The following ADAM2 variants were observed in gnomAD, a reference collection of about 807,000 sequenced individuals.
ADAM2 encodes ADAM metallopeptidase domain 2.
In ADAM2, 101 loss-of-function variants were observed where a neutral mutation model predicts 99.3. The ratio of observed to expected loss-of-function variants is 1.02; its 90% CI spans 0.87 to 1.20. ADAM2 has a LOEUF of 1.20. Among genes scored for constraint, ADAM2 ranks in the 50% most tolerant of loss-of-function variants. The pLI, the probability that ADAM2 is intolerant of heterozygous loss-of-function variation, is 0.00. For synonymous variants in ADAM2, 323 were observed against 287.6 expected (o/e 1.12, Z -1.25); for missense variants, 948 against 878.7 (o/e 1.08, Z -1.00).
At chr8:39,771,151 A>C (rs1322246402) in intron 11 of ADAM2, among the ~76,000 whole-genome samples, 1 of 152,188 alleles carries the variant, frequency 6.6e-6, no homozygotes, top group African/African-American at 2.4e-5. Context: ...TGGACCTCTT[A>C]CTGTCCCCTC....
intron 11 of ADAM2, among the ~76,000 whole-genome samples, chr8:39,774,377 A>G: frequency 6.6e-6 from 1 of 152,058 alleles, no homozygotes; most frequent in Middle Eastern, 3.2e-3. Flanking sequence ...ATGTATTTAT[A>G]ATATATAATT....
At position 39,769,526 on chromosome 8, in the gene ADAM2, CAA is replaced by C. The variant is rs1217672600; in HGVS notation, c.1076_1077del (p.Phe359CysfsTer30). On this transcript the variant is annotated frameshift_variant, in exon 12 of 21. Transcript: ENST00000265708. LOFTEE classifies it high-confidence loss of function. ...GACTTCTGCTTTGAAATAAAATGTGCAAAGTCTTCGAAGCTGCAGTTACTAAA... is the reference window on the plus strand; with the variant it reads ...GACTTCTGCTTTGAAATAAAATGTGCAGTCTTCGAAGCTGCAGTTACTAAA... The part of the protein sequence containing the change: ...KIFSNCSFED[F>X]AHFISKQKSQ... The C allele has an allele frequency of 6.2e-7, 1 of 1,613,790 alleles. No homozygotes were observed. The highest frequency in any genetic ancestry group is 1.7e-5 in the Admixed American group (1 of 60,010).
At chr8:39,815,034 C>G (rs1246599692) in intron 6 of ADAM2, among the ~76,000 whole-genome samples, 1 of 151,880 alleles carries the variant, frequency 6.6e-6, no homozygotes, top group Non-Finnish European at 1.5e-5. Context: ...TACTTTCACT[C>G]TTTAAAAATG....
intron 15 of ADAM2, among the ~76,000 whole-genome samples, chr8:39,760,316 T>C (rs1225132955): frequency 1.3e-5 from 2 of 152,208 alleles, no homozygotes; most frequent in East Asian, 1.9e-4. Flanking sequence ...TTAATATTCA[T>C]ATATTACATA....
At chr8:39,758,985 C>G (rs1802253861) in intron 15 of ADAM2, among the ~76,000 whole-genome samples, 1 of 151,900 alleles carries the variant, frequency 6.6e-6, no homozygotes, top group Non-Finnish European at 1.5e-5. Flanking sequence ...ATAATAAAGG[C>G]AAAGTCAATA....
chr8:39,796,546 A>C (rs1404771301), intron 7 of ADAM2, among the ~76,000 whole-genome samples: 1 of 152,042 alleles, frequency 6.6e-6, no homozygotes, highest in Non-Finnish European at 1.5e-5. Context: ...TATTCCTTTG[A>C]GTATATACCC....
intron 6 of ADAM2, among the ~76,000 whole-genome samples, chr8:39,810,257 A>C (rs1334693317): frequency 1.3e-5 from 2 of 152,174 alleles, no homozygotes; most frequent in Admixed American, 1.3e-4. Context: ...TATATGAGCC[A>C]AATACAGGAG....
At chr8:39,820,426 T>A (rs888240710) in intron 6 of ADAM2, among the ~76,000 whole-genome samples, 2 of 152,010 alleles carry the variant, frequency 1.3e-5, no homozygotes, top group Admixed American at 1.3e-4. Context: ...AAGCATTGAG[T>A]GGGAAGCAGT....
intron 15 of ADAM2, among the ~76,000 whole-genome samples, chr8:39,756,215 T>C (rs1333506321): frequency 6.6e-6 from 1 of 152,210 alleles, no homozygotes; most frequent in African/African-American, 2.4e-5. Flanking sequence ...ACAACTTTTT[T>C]TGTGATTCCT....
chr8:39,835,451 G>A (rs564429866), intron 2 of ADAM2, among the ~76,000 whole-genome samples: 11 of 152,228 alleles, frequency 7.2e-5, no homozygotes, highest in Middle Eastern at 3.4e-3. Context: ...TTGGGAGGCC[G>A]AGGCAGGTGG....
At position 39,788,194 on chromosome 8, in the gene ADAM2, C is replaced by T. The variant is rs768912995; in HGVS notation, c.700G>A (p.Glu234Lys). The change falls in exon 9 of 21, where the codon GAA becomes AAA. Residue 234 changes from glutamate (E) to lysine (K), a missense_variant. Physicochemically the swap from Glu to Lys is moderately conservative, Grantham distance 56 (BLOSUM62 1). Coordinates refer to ENST00000265708, the MANE Select transcript of ADAM2 (RefSeq NM_001464.5). The part of the protein sequence containing the change: ...ILSSLELWID[E>K]NKIATTGEAN... ...TCTCCAGTGGTTGCAATTTTATTTT[C>T]ATCTATCCAAAGCTCCAATGAAGAC... The T allele has an allele frequency of 6.3e-7, 1 of 1,579,820 alleles. No individual in the cohort carries two copies. Among genetic ancestry groups the T allele is most frequent in the Non-Finnish European group, 8.6e-7 (1 of 1,158,444 alleles).
intron 10 of ADAM2, among the ~76,000 whole-genome samples, chr8:39,784,596 G>A (rs1253211180): frequency 6.6e-6 from 1 of 152,070 alleles, no homozygotes; most frequent in Non-Finnish European, 1.5e-5. Context: ...CATGCTGGAA[G>A]CCCGCCCTGT....
chr8:39,809,893 G>C (rs1204362139), intron 6 of ADAM2, among the ~76,000 whole-genome samples: 1 of 152,164 alleles, frequency 6.6e-6, no homozygotes, highest in Non-Finnish European at 1.5e-5. Context: ...AAAATAACCA[G>C]CTAACATCAT....
At chr8:39,794,342 T>C (rs1340911542) in intron 7 of ADAM2, among the ~76,000 whole-genome samples, 1 of 152,160 alleles carries the variant, frequency 6.6e-6, no homozygotes, top group Admixed American at 6.6e-5. Context: ...GCTAGAAATA[T>C]GGGAATGAAT....
At chr8:39,789,417 G>C (rs1041735328) in intron 7 of ADAM2, among the ~76,000 whole-genome samples, 1 of 151,692 alleles carries the variant, frequency 6.6e-6, no homozygotes, top group Admixed American at 6.6e-5. Context: ...CAGCAAATAT[G>C]CGTTTTTTAA....
chr8:39,794,603 A>G (rs944518884), intron 7 of ADAM2, among the ~76,000 whole-genome samples: 4 of 152,128 alleles, frequency 2.6e-5, no homozygotes, highest in Non-Finnish European at 1.5e-5. Context: ...TATGTTATCT[A>G]TAGATTCCAG....
intron 6 of ADAM2, among the ~76,000 whole-genome samples, chr8:39,816,744 A>G (rs1804957673): frequency 6.6e-6 from 1 of 152,248 alleles, no homozygotes; most frequent in Admixed American, 6.5e-5. Flanking sequence ...CTATGACAAT[A>G]GATTTGTAGT....
intron 9 of ADAM2, 28 bp downstream of exon 9, chr8:39,788,057 A>G: frequency 1.4e-6 from 2 of 1,385,560 alleles, no homozygotes; most frequent in African/African-American, 1.5e-5. Context: ...CTTCAGATAA[A>G]CTTTATATAA....
At chr8:39,793,325 G>GA (rs1803797655) in intron 7 of ADAM2, among the ~76,000 whole-genome samples, 1 of 152,070 alleles carries the variant, frequency 6.6e-6, no homozygotes, top group Non-Finnish European at 1.5e-5. Flanking sequence ...TTGTTATTAA[G>GA]AAATAGAATG....
Sources: gnomAD v4.1 joint callset for allele counts (sites outside exome capture counted in the v4.1 genomes callset) on GRCh38, gnomAD v4.1.1 for gene constraint, MANE v1.5 for transcripts, NCBI Gene and HGNC (gene_info 2026-07-23, HGNC 2026-07-21) for gene names.